TMEFF2: variants seen among roughly 807,000 people sequenced by gnomAD.
TMEFF2 encodes the protein tomoregulin-2.
TMEFF2 carries 28 observed loss-of-function variants against 53.8 expected under a neutral mutation model. That is an observed-to-expected ratio of 0.52 (90% CI 0.39 to 0.71). TMEFF2 has a LOEUF of 0.71. Ranked by LOEUF, TMEFF2 falls within the 30% of genes least tolerant of loss-of-function variation. TMEFF2 has a pLI of 0.00. For synonymous variants in TMEFF2, 162 were observed against 166.3 expected, an observed-to-expected ratio of 0.97 and a Z score of 0.20; for missense variants, 353 against 455.2, an observed-to-expected ratio of 0.78 and a Z score of 2.04.
intron 4 of TMEFF2, among the ~76,000 whole-genome samples, chr2:192,145,553 T>TA (rs5837286): frequency 0.29 from 44,483 of 151,508 alleles, 7,454 homozygotes; most frequent in Admixed American, 0.37. Flanking sequence ...CACTACATGA[T>TA]AAAAAAAATG....
intron 7 of TMEFF2, among the ~76,000 whole-genome samples, chr2:191,960,008 G>T (rs1033821165): frequency 6.6e-6 from 1 of 152,040 alleles, no homozygotes; most frequent in Non-Finnish European, 1.5e-5. Flanking sequence ...TCCCTCTTAG[G>T]TGGGACTATA....
intron 7 of TMEFF2, among the ~76,000 whole-genome samples, chr2:191,996,241 T>C (rs1686218760): frequency 6.6e-6 from 1 of 151,932 alleles, no homozygotes; most frequent in African/African-American, 2.4e-5. Context: ...TATATATTTG[T>C]ATATTGACAC....
intron 5 of TMEFF2, among the ~76,000 whole-genome samples, chr2:192,025,325 G>A (rs894877178): frequency 6.6e-6 from 1 of 151,804 alleles, no homozygotes; most frequent in Non-Finnish European, 1.5e-5. Context: ...TACTGGTTAA[G>A]CTGATGCTGG....
chr2:192,106,606 T>C (rs570480380), intron 4 of TMEFF2, among the ~76,000 whole-genome samples: 49 of 151,952 alleles, frequency 3.2e-4, no homozygotes, highest in Non-Finnish European at 1.3e-4. Context: ...AAAATAACAT[T>C]TTATAATCTA....
At chr2:191,998,744 T>G (rs544890249) in intron 6 of TMEFF2, among the ~76,000 whole-genome samples, 48 of 152,170 alleles carry the variant, frequency 3.2e-4, no homozygotes, top group African/African-American at 1.1e-3. Flanking sequence ...AATTCTTAGA[T>G]TCGTTTTAAA....
At chr2:192,013,482 G>C (rs539629363) in intron 5 of TMEFF2, among the ~76,000 whole-genome samples, 2 of 146,156 alleles carry the variant, frequency 1.4e-5, no homozygotes, top group African/African-American at 5.1e-5. Context: ...AGACAGTCTC[G>C]CTCTATCCCC....
At chr2:192,111,948 T>G (rs146981695) in intron 4 of TMEFF2, among the ~76,000 whole-genome samples, 2 of 152,208 alleles carry the variant, frequency 1.3e-5, no homozygotes, top group African/African-American at 4.8e-5. Flanking sequence ...AAGTCAAGAA[T>G]TGAGGTTTGA....
chr2:192,032,732 A>G (rs1004434952), intron 5 of TMEFF2: 2 of 152,210 alleles, frequency 1.3e-5, no homozygotes, highest in Non-Finnish European at 2.9e-5. Flanking sequence ...CCCTTCACTT[A>G]TCAGCCATAG....
intron 4 of TMEFF2, among the ~76,000 whole-genome samples, chr2:192,063,623 T>C (rs908842740): frequency 6.6e-6 from 1 of 151,876 alleles, no homozygotes; most frequent in Non-Finnish European, 1.5e-5. Flanking sequence ...TTTTATTTAA[T>C]TGTTTTATCT....
intron 4 of TMEFF2, among the ~76,000 whole-genome samples, chr2:192,092,189 G>A (rs1362819340): frequency 6.6e-6 from 1 of 151,972 alleles, no homozygotes; most frequent in African/African-American, 2.4e-5. Flanking sequence ...GATTGAATGA[G>A]TGGAAAAAAA....
intron 4 of TMEFF2, among the ~76,000 whole-genome samples, chr2:192,127,911 A>G (rs1167041689): frequency 2.0e-5 from 3 of 152,318 alleles, no homozygotes; most frequent in East Asian, 3.9e-4. Context: ...TATGTGCTAC[A>G]TAACTCCTCT....
intron 4 of TMEFF2, among the ~76,000 whole-genome samples, chr2:192,107,799 A>G (rs1383840055): frequency 6.6e-6 from 1 of 151,814 alleles, no homozygotes; most frequent in African/African-American, 2.4e-5. Flanking sequence ...CTGTATCCCA[A>G]TAAAATTGAC....
At chr2:192,117,958 C>T (rs371282937) in intron 4 of TMEFF2, among the ~76,000 whole-genome samples, 2 of 151,482 alleles carry the variant, frequency 1.3e-5, no homozygotes, top group East Asian at 1.9e-4. Context: ...TTCAATAAAT[C>T]GGTGCTTTTC....
intron 5 of TMEFF2, among the ~76,000 whole-genome samples, chr2:192,017,683 C>T (rs1314911050): frequency 2.0e-5 from 3 of 152,082 alleles, no homozygotes; most frequent in Admixed American, 6.5e-5. Context: ...CCCTTTTTCT[C>T]TCTTTGCAGT....
At chr2:192,092,826 T>C (rs1345565686) in intron 4 of TMEFF2, among the ~76,000 whole-genome samples, 1 of 152,056 alleles carries the variant, frequency 6.6e-6, no homozygotes, top group Non-Finnish European at 1.5e-5. Flanking sequence ...GGGTGACTTC[T>C]AGAAGCTGAA....
chr2:192,103,845 A>T (rs1689088689), intron 4 of TMEFF2, among the ~76,000 whole-genome samples: 1 of 151,662 alleles, frequency 6.6e-6, no homozygotes, highest in African/African-American at 2.4e-5. Flanking sequence ...TGTGTTTGAG[A>T]GAGTAGAGGG....
intron 2 of TMEFF2, among the ~76,000 whole-genome samples, chr2:192,189,577 C>T (rs564344477): frequency 7.3e-3 from 186 of 25,384 alleles, no homozygotes; most frequent in African/African-American, 0.018. Context: ...AAGGAATGCA[C>T]GCTTGTACCT....
chr2:191,973,966 CTG>C (rs1197266685), intron 7 of TMEFF2, among the ~76,000 whole-genome samples: 1 of 152,174 alleles, frequency 6.6e-6, no homozygotes, highest in African/African-American at 2.4e-5. Flanking sequence ...GCGCTCAGAT[CTG>C]TGAGTCAATT....
chr2:192,017,242 G>C (rs1368155031), intron 5 of TMEFF2, among the ~76,000 whole-genome samples: 1 of 152,152 alleles, frequency 6.6e-6, no homozygotes, highest in African/African-American at 2.4e-5. Context: ...TCATGCAGCA[G>C]GTATATGACC....
Sources: allele counts gnomAD v4.1 joint callset (sites outside exome capture counted in the v4.1 genomes callset), GRCh38; gene constraint gnomAD v4.1.1; transcripts MANE v1.5; gene names NCBI Gene and HGNC (gene_info 2026-07-23, HGNC 2026-07-21).